NLRP4: variants seen among roughly 807,000 people sequenced by gnomAD.
NLRP4 encodes the protein NLR family pyrin domain containing 4, also known as NACHT, LRR and PYD domains-containing protein 4.
A neutral mutation model predicts 84.7 loss-of-function variants in NLRP4; 44 were observed. The observed-to-expected ratio is 0.52, with a 90% confidence interval of 0.41 to 0.67. The LOEUF (loss-of-function observed/expected upper bound fraction) is 0.67, where lower values mean the gene tolerates loss of function less well. NLRP4 is among the 30% of genes least tolerant of loss of function. The pLI, the probability that NLRP4 is intolerant of heterozygous loss-of-function variation, is 0.00. For missense variants in NLRP4, 1,260 were observed against 1,219.4 expected, an observed-to-expected ratio of 1.03 and a Z score of -0.50; for synonymous variants, 544 against 476.4, an observed-to-expected ratio of 1.14 and a Z score of -1.85.
chr19:55,837,650 C>T (rs1307259553), intron 1 of NLRP4, among the ~76,000 whole-genome samples: 4 of 145,328 alleles, frequency 2.8e-5, no homozygotes, highest in African/African-American at 7.5e-5. Context: ...TATAGGGTGA[C>T]AAAATAAGGT....
At chr19:55,840,125 A>G (rs529323718) in intron 1 of NLRP4, among the ~76,000 whole-genome samples, 9 of 152,200 alleles carry the variant, frequency 5.9e-5, no homozygotes, top group South Asian at 2.1e-4. Flanking sequence ...TGATTCGTCT[A>G]TCTTATAGTG....
In NLRP4 at chr19:55,849,875, CGCGGTGTAATTTCCGTGGCCG is replaced by C. The variant is rs1568657987; in HGVS notation, c.-65-2124_-65-2104del. ...GAGACTGCGGTGTAATTTCCGTGGC[CGCGGTGTAATTTCCGTGGCCG>C]GCGGTGTAATTTCCGTAGCCGCGGT... On this transcript the variant is annotated intron_variant, in intron 1 of 9. Transcript: ENST00000301295. Among the ~76,000 whole-genome samples the C allele has an allele frequency of 5.2e-3, 292 of 55,922 alleles. 1 individual carries two copies. Among genetic ancestry groups the C allele is most frequent in the Middle Eastern group, 0.027 (3 of 110 alleles). 36.7% of individuals were successfully genotyped at this position (55,922 alleles called of 152,430 possible). A position where few individuals can be genotyped will look rare whatever the true frequency, so the allele number is the denominator to read the frequency against.
chr19:55,867,027 C>A (rs1984980706), intron 5 of NLRP4, among the ~76,000 whole-genome samples: 1 of 151,758 alleles, frequency 6.6e-6, no homozygotes, highest in Non-Finnish European at 1.5e-5. Flanking sequence ...ACCCCAGAGA[C>A]CGTAAGCCAA....
At position 55,870,395 on chromosome 19, in the gene NLRP4, C is replaced by T. The variant is rs149719060; in HGVS notation, c.2355-432C>T. Among the ~76,000 whole-genome samples, 345 of 152,346 alleles carry T rather than the reference C, an allele frequency of 2.3e-3. 1 individual carries two copies. The highest frequency in any genetic ancestry group is 8.1e-3 in the African/African-American group (337 of 41,580). On this transcript the variant is annotated intron_variant, in intron 6 of 9. Transcript: ENST00000301295. ...GAAATGAGAGGGCCGGACGCGGTGG[C>T]TCACGCCTTGTAATCCCAGCACTTT...
rs1033407715 is a variant in NLRP4 at position 55,856,682 on chromosome 19, A to AT, written c.281-987dup. On this transcript the variant is annotated intron_variant, in intron 2 of 9. Coordinates refer to ENST00000301295, the MANE Select transcript of NLRP4 (RefSeq NM_134444.5). ...AGGCACACACCACCACGCCCGGCTAATTTTTGTATTTTTAGTAGAGACAGG... is the reference window on the plus strand; with the variant it reads ...AGGCACACACCACCACGCCCGGCTAATTTTTTGTATTTTTAGTAGAGACAGG... Among the ~76,000 whole-genome samples, 28 of 151,762 alleles carry AT rather than the reference A, an allele frequency of 1.8e-4. No homozygotes were observed. The South Asian group carries it at 4.2e-3, about 23-fold the overall frequency.
intron 1 of NLRP4, among the ~76,000 whole-genome samples, chr19:55,840,267 A>G (rs1983554366): frequency 6.6e-6 from 1 of 151,700 alleles, no homozygotes; most frequent in African/African-American, 2.4e-5. Context: ...TCCTGCTATG[A>G]TTAGGGACTT....
rs145824213 is a variant in NLRP4, at chr19:55,862,026, C to A, written c.2053C>A (p.Leu685Met). The A allele has an allele frequency of 6.2e-7, 1 of 1,614,004 alleles. No individual in the cohort carries two copies. The highest frequency in any genetic ancestry group is 8.5e-7 in the Non-Finnish European group (1 of 1,179,816). The change falls in exon 5 of 10, where the codon CTG becomes ATG. Residue 685 changes from leucine (L) to methionine (M), a missense_variant. Physicochemically the swap from Leu to Met is conservative, Grantham distance 15. Around this residue, in one of 3 missense-constraint regions of NLRP4, gnomAD observed 544 missense variants for 531.7 expected, o/e 1.02. Coordinates refer to ENST00000301295, the MANE Select transcript of NLRP4 (RefSeq NM_134444.5). ...NNVSFSGQSV[L>M]LFEVLFYQPD... ...CGTTTCCTTTTCTGGCCAGAGTGTT[C>A]TGCTCTTTGAGGTGCTCTTTTATCA...
At chr19:55,879,941 T>A (rs1985524499) in intron 9 of NLRP4, among the ~76,000 whole-genome samples, 1 of 151,730 alleles carries the variant, frequency 6.6e-6, no homozygotes, top group Non-Finnish European at 1.5e-5. Context: ...TATATAAACA[T>A]AATTTATATT....
chr19:55,839,370 C>T (rs765305600), intron 1 of NLRP4, among the ~76,000 whole-genome samples: 1 of 151,744 alleles, frequency 6.6e-6, no homozygotes, highest in Non-Finnish European at 1.5e-5. Flanking sequence ...CACACACATA[C>T]CCACACACAT....
Position 55,852,303 on chromosome 19 carries a change from A to G in NLRP4, c.223A>G (p.Ile75Val), listed in dbSNP as rs1484348330. 6 of 1,606,802 alleles carry G rather than the reference A, an allele frequency of 3.7e-6. No individual in the cohort carries two copies. The highest frequency in any genetic ancestry group is 1.3e-5 in the African/African-American group (1 of 74,518). Residue 75 changes from isoleucine (I) to valine (V), a missense_variant, in exon 2 of 10, where the codon ATC (isoleucine) becomes GTC (valine). Around this residue, in one of 3 missense-constraint regions of NLRP4, gnomAD observed 712 missense variants for 669.2 expected, o/e 1.06. Coordinates refer to ENST00000301295, the MANE Select transcript of NLRP4 (RefSeq NM_134444.5). ...ACAAGCTTGGAACATAACCTTAAGA[A>G]TCTTTCAAAAGATGGATAGAAAGGA... is the stretch of plus-strand genomic sequence containing the variant. Reference protein sequence around the residue: ...EQQAWNITLRIFQKMDRKDLC... With the variant: ...EQQAWNITLRVFQKMDRKDLC...
At position 55,849,984 on chromosome 19, in the gene NLRP4, A is replaced by ATTTCCGAGACTGCGGTGTG. The variant is rs1568658295; in HGVS notation, c.-65-2032_-65-2031insTTTCCGAGACTGCGGTGTG. Among the ~76,000 whole-genome samples the ATTTCCGAGACTGCGGTGTG allele has an allele frequency of 5.3e-5, 4 of 75,456 alleles. 1 individual carries two copies. Among genetic ancestry groups the ATTTCCGAGACTGCGGTGTG allele is most frequent in the African/African-American group, 3.8e-4 (4 of 10,558 alleles). 49.5% of individuals were successfully genotyped at this position (75,456 alleles called of 152,430 possible). A position where few individuals can be genotyped will look rare whatever the true frequency, so the allele number is the denominator to read the frequency against. ...GGTGTAATTTCCGTAGCTGCGGTGT[A>ATTTCCGAGACTGCGGTGTG]ATTTCCGAGACTGCGGTGTGATTTC... On this transcript the variant is annotated intron_variant, in intron 1 of 9. Coordinates refer to ENST00000301295, the MANE Select transcript of NLRP4 (RefSeq NM_134444.5).
chr19:55,866,845 GA>G (rs1050522527), intron 5 of NLRP4, among the ~76,000 whole-genome samples: 36 of 152,292 alleles, frequency 2.4e-4, no homozygotes, highest in Admixed American at 1.5e-3. Context: ...TCAAGCAACT[GA>G]AAAAGAACCA....
rs1420785518 is a variant in NLRP4 at position 55,855,765 on chromosome 19, A to G, written c.281-1909A>G. Among the ~76,000 whole-genome samples, 9 of 152,244 alleles carry G rather than the reference A, an allele frequency of 5.9e-5. No individual in the cohort carries two copies. In the South Asian group the frequency reaches 8.3e-4, roughly 14 times the overall value. On this transcript the variant is annotated intron_variant, in intron 2 of 9. Transcript: ENST00000301295. ...CGTACTAGTTATTTAAGGAACAGAT[A>G]ACTGTAAAGGAGTTTTCGGCCTGGC...
At chr19:55,854,723 A>AT (rs1045504127) in intron 2 of NLRP4, among the ~76,000 whole-genome samples, 15 of 151,060 alleles carry the variant, frequency 9.9e-5, no homozygotes, top group Admixed American at 4.0e-4. Context: ...TCCCAGTCCA[A>AT]TTTTTTTTTC....
intron 6 of NLRP4, among the ~76,000 whole-genome samples, chr19:55,869,279 G>A (rs891541165): frequency 5.9e-5 from 9 of 151,848 alleles, no homozygotes; most frequent in East Asian, 1.9e-4. Flanking sequence ...CTGGAGAATC[G>A]CTTGAACCTG....
intron 3 of NLRP4, among the ~76,000 whole-genome samples, chr19:55,859,551 AC>A (rs1375145838): frequency 2.6e-5 from 4 of 152,128 alleles, no homozygotes; most frequent in Non-Finnish European, 5.9e-5. Context: ...GCTGATCAGT[AC>A]TATAATCGAT....
Position 55,852,953 on chromosome 19 carries a change from G to C in NLRP4, c.280+593G>C, listed in dbSNP as rs148256051. ...GCCAGAAACTCTGTGAGGTGAAGTC[G>C]TTGCATAAGAACTATGCACCTGACT... On this transcript the variant is annotated intron_variant, in intron 2 of 9. Coordinates refer to ENST00000301295, the MANE Select transcript of NLRP4 (RefSeq NM_134444.5). Among the ~76,000 whole-genome samples, 48 of 152,296 alleles carry C rather than the reference G, an allele frequency of 3.2e-4. No individual in the cohort carries two copies. The South Asian group carries it at 3.9e-3, about 12-fold the overall frequency.
chr19:55,842,428 T>C (rs973007319), intron 1 of NLRP4, among the ~76,000 whole-genome samples: 1 of 152,198 alleles, frequency 6.6e-6, no homozygotes, highest in Non-Finnish European at 1.5e-5. Context: ...TTTTTATGGT[T>C]ATATCAGAAT....
intron 1 of NLRP4, among the ~76,000 whole-genome samples, chr19:55,841,819 C>G (rs544733615): frequency 5.5e-5 from 8 of 146,114 alleles, no homozygotes; most frequent in African/African-American, 1.9e-4. Context: ...GAGCCGAGAT[C>G]GTACCACTGC....
Sources: allele counts gnomAD v4.1 joint callset (sites outside exome capture counted in the v4.1 genomes callset), GRCh38; gene constraint gnomAD v4.1.1; regional missense constraint gnomAD v4.1.1; transcripts MANE v1.5; gene names NCBI Gene and HGNC (gene_info 2026-07-23, HGNC 2026-07-21).